The following AFF2 variants were observed in gnomAD, a reference collection of about 807,000 sequenced individuals.
AFF2 encodes the protein ALF transcription elongation factor 2.
Under a neutral mutation model 76.9 loss-of-function variants are expected in AFF2, and 14 were observed. That is an observed-to-expected ratio of 0.18 (90% CI 0.12 to 0.28). AFF2 has a LOEUF of 0.28. Among genes scored for constraint, AFF2 ranks in the 10% least tolerant of loss-of-function variants. AFF2 has a pLI of 1.00. For missense variants in AFF2, 868 were observed against 1,001.1 expected, an observed-to-expected ratio of 0.87 and a Z score of 1.79; for synonymous variants, 398 against 366.7, an observed-to-expected ratio of 1.09 and a Z score of -0.98.
At chrX:148,540,499 A>G (rs2052841535) in intron 1 of AFF2, among the ~76,000 whole-genome samples, 1 of 109,848 alleles carries the variant, frequency 9.1e-6, no homozygotes, top group Non-Finnish European at 1.9e-5. Context: ...ATAAAAAGCC[A>G]GTATAGTCGC....
rs782741631 is a variant in AFF2 at position 148,878,554 on chromosome X, G to A, written c.1263-7335G>A. ...TGAATGAATTCCTATTCCTCCACTT[G>A]AATGACTTTCCATATCACCCAGTAT... is the stretch of plus-strand genomic sequence containing the variant. On this transcript the variant is annotated intron_variant, in intron 7 of 20. Transcript: ENST00000370460. 6.3e-5 allele frequency among the ~76,000 whole-genome samples: 7 copies of A among 111,789 alleles called. No homozygotes were observed. The South Asian group carries it at 2.3e-3, about 36-fold the overall frequency.
intron 7 of AFF2, among the ~76,000 whole-genome samples, chrX:148,866,260 TTAAA>T (rs1158128591): frequency 1.8e-5 from 2 of 112,249 alleles, no homozygotes; most frequent in Non-Finnish European, 3.8e-5. Flanking sequence ...TTATTTTTAA[TTAAA>T]TAAAGTGTAA....
At chrX:148,828,067 G>A (rs782810944) in intron 4 of AFF2, among the ~76,000 whole-genome samples, 15 of 111,094 alleles carry the variant, frequency 1.4e-4, no homozygotes, top group Admixed American at 9.5e-4. Context: ...TGAAAGCCTC[G>A]CGAATTATCT....
rs182806116 is a variant in AFF2 at position 148,543,761 on chromosome X, G to T, written c.47+42617G>T. 9.4e-4 allele frequency among the ~76,000 whole-genome samples: 106 copies of T among 112,295 alleles called. 1 individual carries two copies. Among genetic ancestry groups the T allele is most frequent in the African/African-American group, 3.2e-3 (100 of 30,966 alleles). ...ATCTCTTGATAAACATGCAAGAATT[G>T]ATATTTGGCAGTATTATGAAAAATA... On this transcript the variant is annotated intron_variant, in intron 1 of 20. Transcript: ENST00000370460.
intron 1 of AFF2, among the ~76,000 whole-genome samples, chrX:148,581,018 A>ATATATAC: frequency 2.2e-5 from 1 of 46,267 alleles, no homozygotes; most frequent in South Asian, 1.3e-3. Flanking sequence ...CCTACACACA[A>ATATATAC]ACATATGTGT....
chrX:148,749,432 C>T lies in AFF2; in HGVS notation c.1042-60444C>T, dbSNP rs782227349. Among the ~76,000 whole-genome samples the T allele has an allele frequency of 3.7e-4, 41 of 111,253 alleles. 1 individual carries two copies. Among genetic ancestry groups the T allele is most frequent in the Non-Finnish European group, 2.1e-4 (11 of 53,089 alleles). On this transcript the variant is annotated intron_variant, in intron 3 of 20. Transcript: ENST00000370460. ...GACTTCAGGTGCATGCCAGCATTCCCAGCTTGTCTGTTCCATTGCATATTT... is the reference window on the plus strand; with the variant it reads ...GACTTCAGGTGCATGCCAGCATTCCTAGCTTGTCTGTTCCATTGCATATTT...
At chrX:148,574,375 G>A (rs2053262697) in intron 1 of AFF2, among the ~76,000 whole-genome samples, 1 of 111,262 alleles carries the variant, frequency 9.0e-6, no homozygotes, top group South Asian at 3.8e-4. Context: ...ATAAGGGTTG[G>A]TGTCGACAAG....
chrX:148,539,837 A>G (rs782193722), intron 1 of AFF2, among the ~76,000 whole-genome samples: 1 of 111,409 alleles, frequency 9.0e-6, no homozygotes, highest in Non-Finnish European at 1.9e-5. Context: ...CAGTTTGGAC[A>G]CAGGGATTTT....
At chrX:148,549,481 C>T (rs1396116321) in intron 1 of AFF2, among the ~76,000 whole-genome samples, 3 of 111,814 alleles carry the variant, frequency 2.7e-5, no homozygotes, top group Admixed American at 9.5e-5. Context: ...TCAGTCCCGT[C>T]TCTTCTGGCT....
intron 9 of AFF2, among the ~76,000 whole-genome samples, chrX:148,944,865 G>A (rs7052763): frequency 0.013 from 1,407 of 110,834 alleles, 22 homozygotes; most frequent in African/African-American, 0.044. Flanking sequence ...CAATATTGAA[G>A]TTAATCTCAT....
chrX:148,762,561 C>T (rs1340154060), intron 3 of AFF2, among the ~76,000 whole-genome samples: 1 of 107,036 alleles, frequency 9.3e-6, no homozygotes, highest in Non-Finnish European at 1.9e-5. Context: ...TGAGCTGGTT[C>T]CATATTTTTG....
chrX:148,961,539 C>A (rs1382151304), intron 12 of AFF2, among the ~76,000 whole-genome samples: 1 of 112,215 alleles, frequency 8.9e-6, no homozygotes, highest in Non-Finnish European at 1.9e-5. Flanking sequence ...CATAGGGCCA[C>A]ATTTATGAAA....
chrX:148,531,149 G>A (rs1310735684), intron 1 of AFF2, among the ~76,000 whole-genome samples: 1 of 111,648 alleles, frequency 9.0e-6, no homozygotes. Context: ...ATGCATCTTG[G>A]GATGATGAGG....
chrX:148,706,422 A>G (rs189530520), intron 3 of AFF2, among the ~76,000 whole-genome samples: 60 of 112,488 alleles, frequency 5.3e-4, no homozygotes, highest in African/African-American at 1.9e-3. Flanking sequence ...CTATTGCCAA[A>G]AAGCTATCTG....
At position 148,694,855 on chromosome X, in the gene AFF2, G is replaced by A. The variant is rs371785531; in HGVS notation, c.1041+32087G>A. 3.2e-4 allele frequency among the ~76,000 whole-genome samples: 26 copies of A among 82,059 alleles called. 1 individual carries two copies. In the South Asian group the frequency reaches 0.016, roughly 50 times the overall value. The allele number at this position is 82,059 out of a possible 115,157, so 71.3% of individuals were successfully genotyped here. ...TTTTGAGATGGAGTCTCGCTCTGTC[G>A]CCCAGGCTGGAGTGCAGTGGCGCGA... is the stretch of plus-strand genomic sequence containing the variant. On this transcript the variant is annotated intron_variant, in intron 3 of 20. Transcript: ENST00000370460.
chrX:148,783,588 C>T (rs1221943719), intron 3 of AFF2, among the ~76,000 whole-genome samples: 1 of 111,796 alleles, frequency 8.9e-6, no homozygotes, highest in African/African-American at 3.3e-5. Flanking sequence ...CAGTTCCAAA[C>T]ATCTCCTATA....
intron 3 of AFF2, among the ~76,000 whole-genome samples, chrX:148,797,929 T>G (rs112581361): frequency 1.8e-5 from 2 of 112,438 alleles, no homozygotes; most frequent in African/African-American, 6.4e-5. Context: ...TCACTTTAGA[T>G]ATGCAGGTCT....
chrX:148,896,481 C>T (rs1603336709), intron 8 of AFF2, among the ~76,000 whole-genome samples: 1 of 111,962 alleles, frequency 8.9e-6, no homozygotes, highest in African/African-American at 3.2e-5. Flanking sequence ...TGGCAGTGTG[C>T]ATGCCTGCAG....
At chrX:148,855,175 CT>C (rs1447902194) in intron 7 of AFF2, among the ~76,000 whole-genome samples, 2 of 111,561 alleles carry the variant, frequency 1.8e-5, no homozygotes, top group Non-Finnish European at 3.8e-5. Context: ...TATCTAAAGA[CT>C]TTGGGTAGAA....
Sources: allele counts gnomAD v4.1 joint callset (sites outside exome capture counted in the v4.1 genomes callset), GRCh38; gene constraint gnomAD v4.1.1; transcripts MANE v1.5; gene names NCBI Gene and HGNC (gene_info 2026-07-23, HGNC 2026-07-21).